The following WWOX variants were observed in gnomAD, a reference collection of about 807,000 sequenced individuals.
The protein encoded by WWOX is WW domain-containing oxidoreductase.
A neutral mutation model predicts 46.2 loss-of-function variants in WWOX; 69 were observed. The observed-to-expected ratio is 1.49, with a 90% CI of 1.23 to 1.82. The LOEUF is 1.82. WWOX is among the 40% of genes most tolerant of loss of function. The pLI is 0.00. For synonymous variants in WWOX, 359 were observed against 202.6 expected (o/e 1.77, Z -6.56); for missense variants, 919 against 542.6 (o/e 1.69, Z -6.89).
intron 8 of WWOX, among the ~76,000 whole-genome samples, chr16:78,830,572 A>G (rs948302689): frequency 2.0e-5 from 3 of 152,008 alleles, no homozygotes; most frequent in African/African-American, 7.2e-5. Context: ...TTTCACCTCT[A>G]GGAGATATTT....
chr16:78,147,675 C>CTTTTTTTTGT (rs1567598350), intron 4 of WWOX, among the ~76,000 whole-genome samples: 4 of 90,642 alleles, frequency 4.4e-5, no homozygotes, highest in South Asian at 3.3e-4. Context: ...TTCTTTCTTC[C>CTTTTTTTTGT]TTTTTTTTTT....
intron 8 of WWOX, among the ~76,000 whole-genome samples, chr16:79,031,423 GACATCTT>G (rs2047751911): frequency 6.4e-5 from 4 of 62,084 alleles, no homozygotes; most frequent in Non-Finnish European, 1.3e-4. Flanking sequence ...AAACGCATTA[GACATCTT>G]CAAGTGGGCT....
intron 8 of WWOX, among the ~76,000 whole-genome samples, chr16:78,773,608 G>A (rs183010037): frequency 3.3e-5 from 5 of 152,326 alleles, no homozygotes; most frequent in East Asian, 3.9e-4. Context: ...GGAATGAGAA[G>A]TTATAATAGA....
intron 3 of WWOX, among the ~76,000 whole-genome samples, chr16:78,111,455 A>C (rs1242175101): frequency 6.6e-6 from 1 of 152,224 alleles, no homozygotes; most frequent in Non-Finnish European, 1.5e-5. Flanking sequence ...GTGACCTAGA[A>C]GGCAAGAGGT....
At position 79,121,291 on chromosome 16, in the gene WWOX, C is replaced by T. The variant is rs141627918; in HGVS notation, c.1057-90317C>T. On this transcript the variant is annotated intron_variant, in intron 8 of 8. Coordinates refer to ENST00000566780, the MANE Select transcript of WWOX (RefSeq NM_016373.4). ...AGGTGCATTGCTAATTACATGAGTA[C>T]AGCATTTGTGAAAACTCGCTCATGA... is the stretch of plus-strand genomic sequence containing the variant. Among the ~76,000 whole-genome samples the T allele has an allele frequency of 1.1e-3, 163 of 152,272 alleles. 1 individual carries two copies. The highest frequency in any genetic ancestry group is 3.3e-3 in the African/African-American group (136 of 41,544).
intron 8 of WWOX, among the ~76,000 whole-genome samples, chr16:78,589,989 G>C (rs184033851): frequency 6.6e-6 from 1 of 152,210 alleles, no homozygotes; most frequent in Non-Finnish European, 1.5e-5. Context: ...GAAGGCTATG[G>C]TCACTCAACA....
rs142787729 is a variant in WWOX at position 78,858,592 on chromosome 16, G to A, written c.1057-353016G>A. 2.6e-3 allele frequency among the ~76,000 whole-genome samples: 394 copies of A among 152,140 alleles called. 3 individuals are homozygous for A. Among genetic ancestry groups the A allele is most frequent in the African/African-American group, 8.8e-3 (366 of 41,512 alleles). On this transcript the variant is annotated intron_variant, in intron 8 of 8. Transcript: ENST00000566780. ...AGATAACTTCTATCACCAGCACGGA[G>A]TGTGGCTTAGGAGCTGAGAAGGCTT...
chr16:79,175,901 A>G (rs1034760925), intron 8 of WWOX, among the ~76,000 whole-genome samples: 10 of 152,168 alleles, frequency 6.6e-5, no homozygotes, highest in Non-Finnish European at 1.5e-4. Flanking sequence ...CACACCTCTG[A>G]GCTTTTGGTC....
chr16:78,635,800 C>G (rs1406218724), intron 8 of WWOX, among the ~76,000 whole-genome samples: 1 of 152,124 alleles, frequency 6.6e-6, no homozygotes, highest in African/African-American at 2.4e-5. Context: ...GGAAAAACAG[C>G]TAGTGGAAGG....
At chr16:79,115,716 G>GA (rs1281907525) in intron 8 of WWOX, among the ~76,000 whole-genome samples, 3 of 152,032 alleles carry the variant, frequency 2.0e-5, no homozygotes, top group African/African-American at 4.8e-5. Flanking sequence ...TTAAATAAGA[G>GA]AAAAAAACAG....
At chr16:79,127,944 C>A (rs953175821) in intron 8 of WWOX, among the ~76,000 whole-genome samples, 1 of 152,118 alleles carries the variant, frequency 6.6e-6, no homozygotes, top group Non-Finnish European at 1.5e-5. Context: ...CAGTAGTCCA[C>A]ATGACAGTTA....
intron 8 of WWOX, among the ~76,000 whole-genome samples, chr16:79,031,295 G>C (rs1198231998): frequency 1.3e-5 from 2 of 152,060 alleles, no homozygotes; most frequent in African/African-American, 4.8e-5. Flanking sequence ...GTGACTCCCT[G>C]GGGAGCACTG....
chr16:79,090,319 GATA>G (rs1410902262), intron 8 of WWOX, among the ~76,000 whole-genome samples: 2 of 147,850 alleles, frequency 1.4e-5, no homozygotes, highest in African/African-American at 2.5e-5. Context: ...GTGTGTGTGT[GATA>G]TAATGTGTTG....
intron 8 of WWOX, among the ~76,000 whole-genome samples, chr16:79,170,979 A>G (rs1567596149): frequency 1.3e-5 from 2 of 152,218 alleles, no homozygotes; most frequent in African/African-American, 2.4e-5. Flanking sequence ...CCCCAATCTA[A>G]GAAAAATGTG....
chr16:78,490,472 C>G (rs941110623), intron 8 of WWOX, among the ~76,000 whole-genome samples: 1 of 152,080 alleles, frequency 6.6e-6, no homozygotes, highest in Non-Finnish European at 1.5e-5. Context: ...GTTGTAGTTC[C>G]CGCAAATCTA....
chr16:78,607,644 C>CT (rs4035989), intron 8 of WWOX, among the ~76,000 whole-genome samples: 14,367 of 141,472 alleles, frequency 0.1, 966 homozygotes, highest in African/African-American at 0.19. Flanking sequence ...ATTTGTTCTT[C>CT]TTTTTTTTTT....
At chr16:78,789,498 AT>A (rs1483188627) in intron 8 of WWOX, among the ~76,000 whole-genome samples, 2 of 152,068 alleles carry the variant, frequency 1.3e-5, no homozygotes, top group Admixed American at 1.3e-4. Flanking sequence ...ATTATATCCC[AT>A]TGATCTGTAT....
In WWOX at chr16:78,675,828, A is replaced by G. The variant is rs532302245; in HGVS notation, c.1056+243076A>G. Among the ~76,000 whole-genome samples, 6 of 152,194 alleles carry G rather than the reference A, an allele frequency of 3.9e-5. No individual in the cohort carries two copies. In the East Asian group the frequency reaches 1.2e-3, roughly 29 times the overall value. On this transcript the variant is annotated intron_variant, in intron 8 of 8. Coordinates refer to ENST00000566780, the MANE Select transcript of WWOX (RefSeq NM_016373.4). ...GTCTGTACTAAAAAATTATTAAAAG[A>G]AAATATATATATTTTTTTAAATCAT...
intron 8 of WWOX, among the ~76,000 whole-genome samples, chr16:78,880,315 C>T (rs1466541883): frequency 6.6e-6 from 1 of 152,226 alleles, no homozygotes; most frequent in Non-Finnish European, 1.5e-5. Context: ...CTAATGCTTT[C>T]ACCCGTACCT....
Sources: allele counts gnomAD v4.1 joint callset (sites outside exome capture counted in the v4.1 genomes callset), GRCh38; gene constraint gnomAD v4.1.1; transcripts MANE v1.5; gene names NCBI Gene and HGNC (gene_info 2026-07-23, HGNC 2026-07-21).